The following DSCAML1 variants were observed in gnomAD, a reference collection of about 807,000 sequenced individuals.
The protein encoded by DSCAML1 is DS cell adhesion molecule like 1, also known as cell adhesion molecule DSCAML1.
DSCAML1 carries 38 observed loss-of-function variants against 200.5 expected under a neutral mutation model. The ratio of observed to expected loss-of-function variants is 0.19; its 90% confidence interval spans 0.15 to 0.25. DSCAML1 has a LOEUF of 0.25. Ranked by LOEUF, DSCAML1 falls within the 10% of genes least tolerant of loss-of-function variation. The probability of loss-of-function intolerance (pLI) is 1.00; values close to 1 mark genes in which losing one functional copy is unlikely to be tolerated. For missense variants in DSCAML1, 2,223 were observed against 2,858.8 expected (o/e 0.78, Z 5.07); for synonymous variants, 1,215 against 1,165.0 (o/e 1.04, Z -0.87).
intron 3 of DSCAML1, among the ~76,000 whole-genome samples, chr11:117,548,018 C>T (rs908293530): frequency 5.9e-5 from 9 of 152,184 alleles, no homozygotes; most frequent in African/African-American, 2.2e-4. Context: ...CCTTATGTGC[C>T]GCTTCACTGC....
chr11:117,614,628 T>A (rs565489731), intron 3 of DSCAML1, among the ~76,000 whole-genome samples: 1 of 152,316 alleles, frequency 6.6e-6, no homozygotes, highest in South Asian at 2.1e-4. Flanking sequence ...TGGTCCCCTG[T>A]GGGACTTAAG....
Position 117,444,039 on chromosome 11 carries a change from C to G in DSCAML1, c.3709G>C (p.Ala1237Pro). Residue 1237 changes from alanine to proline, a missense_variant and splice_region_variant, in exon 21 of 33, where the codon GCT becomes CCT. Physicochemically the swap from Ala to Pro is conservative, Grantham distance 27. Transcript: ENST00000651296. ...FCSSPGSGQP[A>P]PSEYETSPEQ... ...GGACTCGTCTCGTACTCGCTGGGAGCCTGCGGGGCAGAGGCAAAGAGGCTC... is the reference window on the plus strand; with the variant it reads ...GGACTCGTCTCGTACTCGCTGGGAGGCTGCGGGGCAGAGGCAAAGAGGCTC... 2 of 1,610,020 alleles carry G rather than the reference C, an allele frequency of 1.2e-6. No homozygotes were observed. Among genetic ancestry groups the G allele is most frequent in the South Asian group, 1.1e-5 (1 of 90,692 alleles).
At chr11:117,583,948 A>G (rs530191791) in intron 3 of DSCAML1, among the ~76,000 whole-genome samples, 2 of 152,326 alleles carry the variant, frequency 1.3e-5, no homozygotes, top group East Asian at 1.9e-4. Context: ...AAGCTCTGAC[A>G]TTTGGAGTTG....
chr11:117,431,141 A>G (rs910983767), intron 31 of DSCAML1, 108 bp from the exon 32 acceptor site: 6 of 1,123,980 alleles, frequency 5.3e-6, no homozygotes, highest in South Asian at 4.5e-5. Flanking sequence ...AAGTCTGGCC[A>G]TGGAGGGCAC....
intron 3 of DSCAML1, among the ~76,000 whole-genome samples, chr11:117,703,987 TGA>T (rs945774470): frequency 1.3e-5 from 2 of 152,078 alleles, no homozygotes; most frequent in African/African-American, 4.8e-5. Context: ...ATGAGGAAAA[TGA>T]GAGTTTGGAG....
intron 3 of DSCAML1, among the ~76,000 whole-genome samples, chr11:117,621,968 A>G (rs1279576245): frequency 6.6e-6 from 1 of 152,180 alleles, no homozygotes; most frequent in Non-Finnish European, 1.5e-5. Flanking sequence ...CTATACATTG[A>G]AATATTATTT....
In DSCAML1 at chr11:117,642,181, C is replaced by A. The variant is rs563613324; in HGVS notation, c.512-109659G>T. 2.6e-5 allele frequency among the ~76,000 whole-genome samples: 4 copies of A among 152,200 alleles called. No homozygotes were observed. Among genetic ancestry groups the A allele is most frequent in the Non-Finnish European group, 2.9e-5 (2 of 68,030 alleles). On this transcript the variant is annotated intron_variant, in intron 3 of 32. Coordinates refer to ENST00000651296, the MANE Select transcript of DSCAML1 (RefSeq NM_020693.4). The surrounding 1 kb of genome is among the most constrained non-coding windows in gnomAD (Gnocchi z 4.1). The stretch of plus-strand genomic sequence containing the variant: ...TGGATCATAAAGCCTAAAGAGCAGA[C>A]GGCATGACTTAGGCTCCTGCGGTAT...
rs2049603515 is a variant in DSCAML1 at position 117,510,823 on chromosome 11, G to A, written c.1784-5091C>T. The stretch of plus-strand genomic sequence containing the variant: ...TCGTCATGAGCCCTGTCTGTCCCAC[G>A]GGAGTTTGCTTCCTCCTTTGTTACT... On this transcript the variant is annotated intron_variant, in intron 8 of 32. Coordinates refer to ENST00000651296, the MANE Select transcript of DSCAML1 (RefSeq NM_020693.4). 3.3e-5 allele frequency among the ~76,000 whole-genome samples: 5 copies of A among 152,278 alleles called. 1 individual carries two copies. In the South Asian group the frequency reaches 8.3e-4, roughly 25 times the overall value.
chr11:117,750,709 T>C (rs1462662931), intron 3 of DSCAML1, among the ~76,000 whole-genome samples: 1 of 152,066 alleles, frequency 6.6e-6, no homozygotes, highest in Non-Finnish European at 1.5e-5. Context: ...AGAAGACTGG[T>C]TCAGATCAGA....
intron 1 of DSCAML1, among the ~76,000 whole-genome samples, chr11:117,809,980 C>T (rs1446616997): frequency 2.0e-5 from 3 of 147,730 alleles, no homozygotes; most frequent in Non-Finnish European, 4.6e-5. Context: ...CACACACACT[C>T]ATACACACAT....
At chr11:117,454,372 C>G (rs2048336390) in intron 19 of DSCAML1, among the ~76,000 whole-genome samples, 1 of 152,212 alleles carries the variant, frequency 6.6e-6, no homozygotes, top group Admixed American at 6.5e-5. Flanking sequence ...TGTGCTACAT[C>G]TGGATATTTT....
chr11:117,673,656 G>A (rs2053154774), intron 3 of DSCAML1, among the ~76,000 whole-genome samples: 1 of 152,186 alleles, frequency 6.6e-6, no homozygotes, highest in South Asian at 2.1e-4. Flanking sequence ...TGGACCTGCT[G>A]CCTGGAAGTC....
chr11:117,514,040 C>T (rs778720919), intron 8 of DSCAML1, among the ~76,000 whole-genome samples: 2 of 152,216 alleles, frequency 1.3e-5, no homozygotes, highest in Admixed American at 6.5e-5. Flanking sequence ...AACCCTTCCT[C>T]TTCCCATATG....
Position 117,552,649 on chromosome 11 carries a change from T to C in DSCAML1, c.512-20127A>G, listed in dbSNP as rs140086169. On this transcript the variant is annotated intron_variant, in intron 3 of 32. Transcript: ENST00000651296. ...AAGGATAATATATGCAAGAGGGTCC[T>C]GTAATCTGTGAAACACTGACGTAAA... Among the ~76,000 whole-genome samples, 373 of 152,332 alleles carry C rather than the reference T, an allele frequency of 2.4e-3. 3 individuals are homozygous for C. Among genetic ancestry groups the C allele is most frequent in the African/African-American group, 7.2e-3 (298 of 41,584 alleles).
At chr11:117,601,904 G>A (rs2051472452) in intron 3 of DSCAML1, among the ~76,000 whole-genome samples, 1 of 152,214 alleles carries the variant, frequency 6.6e-6, no homozygotes, top group Admixed American at 6.5e-5. Flanking sequence ...ACTCAGCTGA[G>A]TATCATCTCT....
chr11:117,801,516 A>C (rs567249847), upstream of DSCAML1: 1 of 152,368 alleles, frequency 6.6e-6, no homozygotes, highest in Admixed American at 6.5e-5. Flanking sequence ...ATATATACAC[A>C]TACATCTAAA....
intron 3 of DSCAML1, among the ~76,000 whole-genome samples, chr11:117,555,950 G>C (rs1193379693): frequency 6.6e-6 from 1 of 151,690 alleles, no homozygotes; most frequent in African/African-American, 2.4e-5. Flanking sequence ...TTGAGGAGGG[G>C]CGGGGGAGGA....
chr11:117,703,556 C>A (rs1591420021), intron 3 of DSCAML1, among the ~76,000 whole-genome samples: 1 of 152,290 alleles, frequency 6.6e-6, no homozygotes, highest in South Asian at 2.1e-4. Context: ...GAATTTTAGG[C>A]CCATTAGCCC....
intron 3 of DSCAML1, among the ~76,000 whole-genome samples, chr11:117,559,672 G>C (rs1290078458): frequency 6.6e-6 from 1 of 152,166 alleles, no homozygotes. Flanking sequence ...TGCTGAGCCA[G>C]GCAGGCAGAC....
Sources: allele counts gnomAD v4.1 joint callset (sites outside exome capture counted in the v4.1 genomes callset), GRCh38; gene constraint gnomAD v4.1.1; non-coding constraint Gnocchi (gnomAD v3.1); transcripts MANE v1.5; gene names NCBI Gene and HGNC (gene_info 2026-07-23, HGNC 2026-07-21).